SPARCL1: variants seen among roughly 807,000 people sequenced by gnomAD.
SPARCL1 encodes SPARC-like protein 1.
In SPARCL1, 52 loss-of-function variants were observed where a neutral mutation model predicts 67.1. The ratio of observed to expected loss-of-function variants is 0.78; its 90% CI spans 0.62 to 0.98. SPARCL1 has a LOEUF of 0.98. SPARCL1 is among the 50% of genes least tolerant of loss of function. The pLI, the probability that SPARCL1 is intolerant of heterozygous loss-of-function variation, is 0.00. For missense variants in SPARCL1, 717 were observed against 782.4 expected, an observed-to-expected ratio of 0.92 and a Z score of 1.00; for synonymous variants, 226 against 267.8, an observed-to-expected ratio of 0.84 and a Z score of 1.52.
At chr4:87,512,540 T>G (rs114531011) in intron 1 of SPARCL1, among the ~76,000 whole-genome samples, 1,717 of 152,222 alleles carry the variant, frequency 0.011, 17 homozygotes, top group Admixed American at 0.022. Flanking sequence ...TACAAAAGCT[T>G]GACCCAGACT....
chr4:87,492,971 T>G (rs918277872), intron 4 of SPARCL1, among the ~76,000 whole-genome samples: 2 of 152,244 alleles, frequency 1.3e-5, no homozygotes, highest in Non-Finnish European at 2.9e-5. Flanking sequence ...GACATTTTGT[T>G]GGACACTGGT....
chr4:87,510,082 A>G (rs1274836303), intron 1 of SPARCL1, among the ~76,000 whole-genome samples: 4 of 152,250 alleles, frequency 2.6e-5, no homozygotes, highest in Non-Finnish European at 5.9e-5. Flanking sequence ...ACATACATGT[A>G]TAATTTAATT....
intron 4 of SPARCL1, 99 bp downstream of exon 4, chr4:87,493,483 G>T: frequency 9.9e-7 from 1 of 1,009,810 alleles, no homozygotes; most frequent in Non-Finnish European, 1.4e-6. Context: ...TGTACTAGTA[G>T]ACATCCATAC....
chr4:87,494,629 C>G (rs766032161), intron 3 of SPARCL1, 31 bp from the exon 4 acceptor site: 1 of 1,512,072 alleles, frequency 6.6e-7, no homozygotes, highest in South Asian at 1.3e-5. Context: ...ATTCTTCAAA[C>G]AAATGATAAT....
intron 3 of SPARCL1, 49 bp downstream of exon 3, chr4:87,494,932 C>A (rs757749142): frequency 7.4e-6 from 11 of 1,492,198 alleles, no homozygotes; most frequent in Admixed American, 2.1e-5. Flanking sequence ...GAAACTAAGA[C>A]CTTTGGAGAA....
intron 1 of SPARCL1, among the ~76,000 whole-genome samples, chr4:87,504,371 T>C (rs776253587): frequency 3.8e-4 from 58 of 152,170 alleles, no homozygotes; most frequent in Admixed American, 6.5e-4. Flanking sequence ...ATTTAGAATA[T>C]TAACAATGGA....
chr4:87,490,677 A>G (rs1415358808), intron 6 of SPARCL1, 83 bp downstream of exon 6: 1 of 1,005,034 alleles, frequency 9.9e-7, no homozygotes, highest in Non-Finnish European at 1.5e-6. Context: ...ACCTTTTTTA[A>G]GCAAAAATTT....
In SPARCL1 at chr4:87,473,712, A is replaced by G. The variant is rs1046820176; in HGVS notation, c.*63T>C. ...AAATCTACAAGTATCACAGCTGCAT[A>G]TATTTCTGAAGTGGTTAGAACAGAG... On this transcript the variant is annotated 3_prime_UTR_variant, in exon 11 of 11. Coordinates refer to ENST00000282470, the MANE Select transcript of SPARCL1 (RefSeq NM_004684.6). 1.8e-5 allele frequency: 21 copies of G among 1,177,782 alleles called. No individual in the cohort carries two copies. In the African/African-American group the frequency reaches 2.6e-4, roughly 15 times the overall value. The allele number at this position is 1,177,782 out of a possible 1,614,324, so 73.0% of individuals were successfully genotyped here.
chr4:87,478,510 T>C (rs1281083040), intron 10 of SPARCL1, among the ~76,000 whole-genome samples: 1 of 151,778 alleles, frequency 6.6e-6, no homozygotes, highest in African/African-American at 2.4e-5. Context: ...GGATCTTGGC[T>C]TACTGCAAAC....
chr4:87,502,768 A>G (rs1724904542), intron 1 of SPARCL1, among the ~76,000 whole-genome samples: 1 of 152,172 alleles, frequency 6.6e-6, no homozygotes, highest in Non-Finnish European at 1.5e-5. Context: ...CTTTGCAGTG[A>G]GTCACTAGAA....
intron 1 of SPARCL1, among the ~76,000 whole-genome samples, chr4:87,515,941 G>T (rs1015794499): frequency 2.6e-5 from 4 of 152,184 alleles, no homozygotes; most frequent in African/African-American, 9.6e-5. Context: ...TATTTCTCCT[G>T]TTGAGAGGTG....
chr4:87,502,058 C>A (rs989142547), intron 1 of SPARCL1, among the ~76,000 whole-genome samples: 1 of 151,914 alleles, frequency 6.6e-6, no homozygotes, highest in Non-Finnish European at 1.5e-5. Context: ...CCTGCCTCAG[C>A]CCCCTAAAGT....
At position 87,493,776 on chromosome 4, in the gene SPARCL1, C is replaced by T. The variant is rs1465110564; in HGVS notation, c.1024G>A (p.Asp342Asn). 27 of 1,614,116 alleles carry T rather than the reference C, an allele frequency of 1.7e-5. No individual in the cohort carries two copies. In the East Asian group the frequency reaches 2.9e-4, roughly 17 times the overall value. ...GTGCCGCCATCATCGCCATCATCAT[C>T]GCCATCATCATCAACTCCATGATTT... The part of the protein sequence containing the change: ...PRNHGVDDDG[D>N]DDGDDGGTDG... Residue 342 changes from aspartate (D) to asparagine (N), a missense_variant, in exon 4 of 11, where the codon GAT becomes AAT. Physicochemically the swap from Asp to Asn is conservative, Grantham distance 23. Coordinates refer to ENST00000282470, the MANE Select transcript of SPARCL1 (RefSeq NM_004684.6).
At chr4:87,491,954 C>G (rs1470505067) in intron 4 of SPARCL1, among the ~76,000 whole-genome samples, 4 of 87,756 alleles carry the variant, frequency 4.6e-5, no homozygotes, top group Non-Finnish European at 7.3e-5. Context: ...ACCCCCCCCC[C>G]CAAAAAAAAA....
At chr4:87,495,222 T>A in intron 2 of SPARCL1, 95 bp from the exon 3 acceptor site, 1 of 988,720 alleles carries the variant, frequency 1.0e-6, no homozygotes, top group South Asian at 1.5e-5. Context: ...TTAGTAGCAA[T>A]ATACTTCATT....
intron 7 of SPARCL1, among the ~76,000 whole-genome samples, chr4:87,485,539 A>G (rs1379912702): frequency 7.5e-6 from 1 of 133,706 alleles, no homozygotes; most frequent in Non-Finnish European, 1.6e-5. Flanking sequence ...TTTTTTTTGT[A>G]TATCCTTCAG....
chr4:87,501,153 C>A (rs1428452344), intron 1 of SPARCL1, among the ~76,000 whole-genome samples: 1 of 152,174 alleles, frequency 6.6e-6, no homozygotes. Context: ...TCCCTCGTGT[C>A]CATTTCGCCC....
chr4:87,524,667 G>C (rs903500002), intron 1 of SPARCL1, among the ~76,000 whole-genome samples: 4 of 152,106 alleles, frequency 2.6e-5, no homozygotes, highest in Admixed American at 1.3e-4. Flanking sequence ...AGATGGATTT[G>C]AGACTGTGCT....
chr4:87,476,809 G>A (rs1181407061), intron 10 of SPARCL1, among the ~76,000 whole-genome samples: 2 of 152,148 alleles, frequency 1.3e-5, no homozygotes, highest in Non-Finnish European at 2.9e-5. Flanking sequence ...AGGAATATAT[G>A]AGCACGTCTA....
Sources: allele counts gnomAD v4.1 joint callset (sites outside exome capture counted in the v4.1 genomes callset), GRCh38; gene constraint gnomAD v4.1.1; transcripts MANE v1.5; gene names NCBI Gene and HGNC (gene_info 2026-07-23, HGNC 2026-07-21).